Variants in CELF2 observed in about 807,000 individuals in gnomAD.
The protein encoded by CELF2 is CUGBP Elav-like family member 2.
In CELF2, 8 loss-of-function variants were observed where a neutral mutation model predicts 62.6. That is an observed-to-expected ratio of 0.13 (90% confidence interval 0.07 to 0.23). The LOEUF (loss-of-function observed/expected upper bound fraction) is 0.23. CELF2 is among the 10% of genes least tolerant of loss of function. The pLI is 1.00. For missense variants in CELF2, 333 were observed against 671.0 expected (o/e 0.50, Z 5.56); for synonymous variants, 258 against 250.0 (o/e 1.03, Z -0.30).
At chr10:11,091,727 C>T (rs763434750) in intron 1 of CELF2, among the ~76,000 whole-genome samples, 1 of 152,092 alleles carries the variant, frequency 6.6e-6, no homozygotes, top group Non-Finnish European at 1.5e-5. Flanking sequence ...AAAATTTAAC[C>T]CACAGAAAAA....
intron 1 of CELF2, among the ~76,000 whole-genome samples, chr10:11,060,907 G>A (rs921138790): frequency 6.6e-6 from 1 of 152,224 alleles, no homozygotes; most frequent in African/African-American, 2.4e-5. Context: ...TGTGTGTGAA[G>A]TGCTGCCATT....
chr10:11,236,199 C>T (rs1413955952), intron 3 of CELF2, among the ~76,000 whole-genome samples: 1 of 152,208 alleles, frequency 6.6e-6, no homozygotes, highest in Non-Finnish European at 1.5e-5. Flanking sequence ...CCATTGATTT[C>T]ATGAAATGCC....
the CELF2 span, among the ~76,000 whole-genome samples, chr10:10,550,189 A>G: frequency 6.6e-6 from 1 of 152,252 alleles, no homozygotes; most frequent in Admixed American, 6.5e-5. Flanking sequence ...AAAGTTAGCT[A>G]GAGAAAAGAA....
chr10:10,595,342 G>A, the CELF2 span, among the ~76,000 whole-genome samples: 4 of 152,280 alleles, frequency 2.6e-5, no homozygotes, highest in Non-Finnish European at 5.9e-5. Flanking sequence ...ACCCTGTAAG[G>A]CTGTGCTGGG....
chr10:10,818,546 CTTTTTTT>C (rs3028992), intron 1 of CELF2, among the ~76,000 whole-genome samples: 2 of 116,538 alleles, frequency 1.7e-5, no homozygotes, highest in Admixed American at 9.4e-5. Context: ...TAAATATTTC[CTTTTTTT>C]TTTTTTTTTT....
the CELF2 span, among the ~76,000 whole-genome samples, chr10:10,605,381 A>G: frequency 6.6e-6 from 1 of 152,232 alleles, no homozygotes; most frequent in Admixed American, 6.5e-5. Context: ...GTACACGTTT[A>G]CATATGTAAC....
At chr10:11,154,085 A>C (rs1418519317) in intron 1 of CELF2, among the ~76,000 whole-genome samples, 1 of 152,222 alleles carries the variant, frequency 6.6e-6, no homozygotes, top group Non-Finnish European at 1.5e-5. Flanking sequence ...AAATGAAGAA[A>C]TGGCTTTAAA....
At chr10:11,003,559 A>C (rs2054734705), upstream of CELF2, among the ~76,000 whole-genome samples, 1 of 152,184 alleles carries the variant, frequency 6.6e-6, no homozygotes, top group Admixed American at 6.5e-5. This position sits in a 1 kb window ranked among gnomAD's most constrained non-coding sequence, Gnocchi z 4.4. Flanking sequence ...AGCTCTTCAC[A>C]TGCTTTAAAA....
intron 1 of CELF2, among the ~76,000 whole-genome samples, chr10:10,888,991 A>G (rs1160928511): frequency 3.3e-5 from 5 of 152,172 alleles, no homozygotes; most frequent in Non-Finnish European, 2.9e-5. Context: ...TAAATAATTG[A>G]ATGAATTTGT....
chr10:10,711,902 TAGAG>T, the CELF2 span, among the ~76,000 whole-genome samples: 2 of 151,488 alleles, frequency 1.3e-5, no homozygotes, highest in African/African-American at 2.4e-5. Context: ...AGAAAACAAA[TAGAG>T]AGGGTAAAAA....
chr10:10,756,553 C>G, the CELF2 span, among the ~76,000 whole-genome samples: 2 of 152,148 alleles, frequency 1.3e-5, no homozygotes, highest in African/African-American at 4.8e-5. Flanking sequence ...TAATTTTTCA[C>G]TGAACATCAG....
At chr10:10,921,422 C>G (rs12768406) in intron 2 of CELF2, among the ~76,000 whole-genome samples, 1 of 152,004 alleles carries the variant, frequency 6.6e-6, no homozygotes, top group Non-Finnish European at 1.5e-5. Context: ...GCGTGCACCA[C>G]TACGCCCAGC....
the CELF2 span, among the ~76,000 whole-genome samples, chr10:10,649,877 C>T: frequency 4.6e-5 from 7 of 152,176 alleles, no homozygotes; most frequent in Admixed American, 1.3e-4. Flanking sequence ...CCCTGGAGTG[C>T]AGCTGTTCCT....
At chr10:10,958,655 G>A (rs1190130473) in intron 2 of CELF2, among the ~76,000 whole-genome samples, 1 of 151,932 alleles carries the variant, frequency 6.6e-6, no homozygotes, top group Non-Finnish European at 1.5e-5. Context: ...ACCAGCCTGG[G>A]CAACAGAACA....
intron 2 of CELF2, among the ~76,000 whole-genome samples, chr10:10,933,849 G>A (rs2066352551): frequency 6.6e-6 from 1 of 152,182 alleles, no homozygotes; most frequent in Non-Finnish European, 1.5e-5. Context: ...ATCTGTGGAT[G>A]GGTGCTTAGG....
At position 10,905,616 on chromosome 10, in the gene CELF2, C is replaced by T. The variant is rs549528472; in HGVS notation, c.54-14348C>T. Among the ~76,000 whole-genome samples the T allele has an allele frequency of 2.4e-3, 359 of 151,216 alleles. 2 individuals are homozygous for T. Among genetic ancestry groups the T allele is most frequent in the African/African-American group, 8.0e-3 (330 of 41,214 alleles). On this transcript the variant is annotated intron_variant, in intron 1 of 13. Transcript: ENST00000636488. Reference sequence around the variant, plus strand: ...AAAAAGGGCTGGGCGTGGTGGCTCACGCCTGTAATCCCAGCACTTTGGGAG... The same window carrying T: ...AAAAAGGGCTGGGCGTGGTGGCTCATGCCTGTAATCCCAGCACTTTGGGAG...
rs1277206983 is a variant in CELF2 at position 11,010,146 on chromosome 10, G to A, written c.53+4706G>A. On this transcript the variant is annotated intron_variant, in intron 1 of 12. Coordinates refer to the CELF2 transcript ENST00000416382. This position sits in a 1 kb window ranked among gnomAD's most constrained non-coding sequence, Gnocchi z 4.1. ...GAGAGTCCAGCTCTCCTCTGGGCTC[G>A]ATGAGAAGGCTGACCTGCTCATTTG... The A allele has an allele frequency of 3.3e-5, 5 of 152,234 alleles. No individual in the cohort carries two copies. The highest frequency in any genetic ancestry group is 4.8e-5 in the African/African-American group (2 of 41,454). The allele number at this position is 152,234 out of a possible 1,614,324, so 9.4% of individuals were successfully genotyped here.
chr10:10,491,211 G>C, the CELF2 span, among the ~76,000 whole-genome samples: 233 of 152,214 alleles, frequency 1.5e-3, 2 homozygotes, highest in East Asian at 2.5e-3. Flanking sequence ...CTTCAATCCA[G>C]CCCCTTTCAC....
At chr10:11,317,502 A>T (rs572551395) in intron 10 of CELF2, 2 of 152,252 alleles carry the variant, frequency 1.3e-5, no homozygotes, top group African/African-American at 4.8e-5. Flanking sequence ...TCATCTATAC[A>T]AAGGAAAACT....
Sources: allele counts gnomAD v4.1 joint callset (sites outside exome capture counted in the v4.1 genomes callset), GRCh38; gene constraint gnomAD v4.1.1; non-coding constraint Gnocchi (gnomAD v3.1); transcripts MANE v1.5; gene names NCBI Gene and HGNC (gene_info 2026-07-23, HGNC 2026-07-21).